Variants in GRID1 observed in about 807,000 individuals in gnomAD.
GRID1 encodes glutamate receptor ionotropic, delta-1.
In GRID1, 28 loss-of-function variants were observed where a neutral mutation model predicts 98.0. The ratio of observed to expected loss-of-function variants is 0.29; its 90% confidence interval spans 0.21 to 0.39. The LOEUF is 0.39. Among genes scored for constraint, GRID1 ranks in the 10% least tolerant of loss-of-function variants. The pLI, the probability that GRID1 is intolerant of heterozygous loss-of-function variation, is 1.00. For synonymous variants in GRID1, 553 were observed against 538.5 expected (o/e 1.03, Z -0.37); for missense variants, 1,111 against 1,340.5 (o/e 0.83, Z 2.67).
At chr10:86,040,795 C>T (rs528617103) in intron 4 of GRID1, among the ~76,000 whole-genome samples, 1 of 152,312 alleles carries the variant, frequency 6.6e-6, no homozygotes, top group South Asian at 2.1e-4. Flanking sequence ...GATGGATATG[C>T]TAATTACCCC....
intron 8 of GRID1, among the ~76,000 whole-genome samples, chr10:85,756,284 C>CGTT (rs2132692539): frequency 6.6e-6 from 1 of 152,246 alleles, no homozygotes; most frequent in South Asian, 2.1e-4. Context: ...ATAGAAGATT[C>CGTT]GTTCTCGCCG....
rs548777668 is a variant in GRID1, at chr10:85,820,039, C to A, written c.1233+34457G>T. Among the ~76,000 whole-genome samples the A allele has an allele frequency of 7.2e-3, 742 of 102,606 alleles. 11 individuals carry two copies. The highest frequency in any genetic ancestry group is 0.016 in the African/African-American group (361 of 22,892). 67.3% of individuals were successfully genotyped at this position (102,606 alleles called of 152,430 possible). A position where few individuals can be genotyped will look rare whatever the true frequency, so the allele number is the denominator to read the frequency against. On this transcript the variant is annotated intron_variant, in intron 8 of 15. Coordinates refer to ENST00000327946, the MANE Select transcript of GRID1 (RefSeq NM_017551.3). ...GAAGGAAGGAAGGAAGGCAGGCAGG[C>A]AGGCAGGCAGGCAGGCAGGCAGGCA...
At chr10:85,952,406 G>T (rs2131844310) in intron 4 of GRID1, among the ~76,000 whole-genome samples, 1 of 152,266 alleles carries the variant, frequency 6.6e-6, no homozygotes, top group Non-Finnish European at 1.5e-5. Context: ...AATTAGCAAT[G>T]CCATGTTTTA....
At chr10:85,655,592 G>A (rs896637878) in intron 12 of GRID1, among the ~76,000 whole-genome samples, 14 of 152,152 alleles carry the variant, frequency 9.2e-5, no homozygotes, top group Admixed American at 5.2e-4. Flanking sequence ...TTAGAATCAT[G>A]ACCACTAGCC....
At chr10:85,848,241 G>C (rs1403847602) in intron 8 of GRID1, among the ~76,000 whole-genome samples, 5 of 151,968 alleles carry the variant, frequency 3.3e-5, no homozygotes. Flanking sequence ...TGTACATCAG[G>C]AGCCTAAAAG....
intron 2 of GRID1, among the ~76,000 whole-genome samples, chr10:86,351,976 G>C (rs1848469464): frequency 6.6e-6 from 1 of 152,222 alleles, no homozygotes; most frequent in African/African-American, 2.4e-5. Flanking sequence ...CCCTTGTTTA[G>C]GTACACCAGG....
intron 4 of GRID1, among the ~76,000 whole-genome samples, chr10:86,078,328 T>C (rs931510544): frequency 5.9e-5 from 9 of 152,252 alleles, no homozygotes; most frequent in African/African-American, 2.2e-4. Flanking sequence ...TCCAGTTTCC[T>C]GCTAAAATGC....
At chr10:86,082,979 C>A (rs192241225) in intron 4 of GRID1, among the ~76,000 whole-genome samples, 1 of 152,324 alleles carries the variant, frequency 6.6e-6, no homozygotes. Flanking sequence ...TGCCTTTTCA[C>A]TCCACTAGAC....
intron 8 of GRID1, among the ~76,000 whole-genome samples, chr10:85,774,119 A>C (rs1033346401): frequency 2.0e-5 from 3 of 152,228 alleles, no homozygotes; most frequent in Non-Finnish European, 2.9e-5. Flanking sequence ...ACTGGTACCA[A>C]AACAGAGATA....
At chr10:86,027,711 TGA>T (rs1303296126) in intron 4 of GRID1, among the ~76,000 whole-genome samples, 5 of 152,368 alleles carry the variant, frequency 3.3e-5, no homozygotes, top group Non-Finnish European at 5.9e-5. Flanking sequence ...AAGCCACAGC[TGA>T]CGGCTTCCAG....
chr10:86,009,044 A>G (rs999357892), intron 4 of GRID1, among the ~76,000 whole-genome samples: 7 of 152,224 alleles, frequency 4.6e-5, no homozygotes, highest in African/African-American at 1.4e-4. Context: ...ATAGCATTCA[A>G]AATGCTAATG....
chr10:86,132,096 G>A (rs1844846452), intron 4 of GRID1, among the ~76,000 whole-genome samples: 1 of 152,196 alleles, frequency 6.6e-6, no homozygotes, highest in Admixed American at 6.5e-5. Context: ...ATGTGACAGT[G>A]CTGTCATGGA....
chr10:85,835,872 G>A (rs1842907881), intron 8 of GRID1, among the ~76,000 whole-genome samples: 1 of 151,960 alleles, frequency 6.6e-6, no homozygotes, highest in Non-Finnish European at 1.5e-5. Context: ...AATTCAATAA[G>A]AGAAAAACAA....
intron 3 of GRID1, among the ~76,000 whole-genome samples, chr10:86,179,287 G>A (rs1193945734): frequency 1.4e-5 from 2 of 143,862 alleles, no homozygotes; most frequent in Non-Finnish European, 3.0e-5. Context: ...CCCCAGCCCC[G>A]GACTGCAGCC....
At chr10:86,123,625 A>G (rs1424179399) in intron 4 of GRID1, among the ~76,000 whole-genome samples, 1 of 152,114 alleles carries the variant, frequency 6.6e-6, no homozygotes, top group Non-Finnish European at 1.5e-5. Context: ...TTAGGTGATG[A>G]GCGGAAGGTT....
chr10:85,657,748 A>T (rs902189201), intron 12 of GRID1, among the ~76,000 whole-genome samples: 1 of 152,128 alleles, frequency 6.6e-6, no homozygotes, highest in African/African-American at 2.4e-5. Flanking sequence ...TGGGAATCAG[A>T]TCTAGTTCTT....
At chr10:85,952,612 C>A (rs1383037971) in intron 4 of GRID1, among the ~76,000 whole-genome samples, 1 of 151,858 alleles carries the variant, frequency 6.6e-6, no homozygotes, top group East Asian at 1.9e-4. Context: ...GGCTCACTCC[C>A]CAAAGAAAGC....
intron 6 of GRID1, among the ~76,000 whole-genome samples, chr10:85,865,942 T>TATATATATATATATATATAC (rs1199144734): frequency 3.5e-4 from 33 of 94,872 alleles, no homozygotes; most frequent in African/African-American, 1.2e-3. Context: ...TATATATATA[T>TATATATATATATATATATAC]ACACATATAT....
chr10:86,218,665 A>T (rs1307713833), intron 2 of GRID1, among the ~76,000 whole-genome samples: 1 of 152,166 alleles, frequency 6.6e-6, no homozygotes, highest in African/African-American at 2.4e-5. Context: ...TACCTGGTGA[A>T]TCCTTCTCAT....
Sources: allele counts gnomAD v4.1 joint callset (sites outside exome capture counted in the v4.1 genomes callset), GRCh38; gene constraint gnomAD v4.1.1; transcripts MANE v1.5; gene names NCBI Gene and HGNC (gene_info 2026-07-23, HGNC 2026-07-21).